Variants in BPIFB6 observed in about 807,000 individuals in gnomAD.
BPIFB6 encodes BPI fold-containing family B member 6.
A neutral mutation model predicts 54.7 loss-of-function variants in BPIFB6; 47 were observed. The observed-to-expected ratio is 0.86, with a 90% confidence interval of 0.68 to 1.10. BPIFB6 has a LOEUF of 1.10. BPIFB6 is among the 50% of genes least tolerant of loss of function. BPIFB6 has a pLI of 0.00. For synonymous variants in BPIFB6, 255 were observed against 225.9 expected, an observed-to-expected ratio of 1.13 and a Z score of -1.16; for missense variants, 603 against 564.1, an observed-to-expected ratio of 1.07 and a Z score of -0.70.
At chr20:33,032,730 C>T (rs1003313642) in intron 1 of BPIFB6, among the ~76,000 whole-genome samples, 3 of 152,234 alleles carry the variant, frequency 2.0e-5, no homozygotes, top group Admixed American at 1.3e-4. Flanking sequence ...CAAGTACCAA[C>T]TGATCTGTCA....
chr20:33,043,863 T>C (rs1979695145), intron 14 of BPIFB6, 152 bp from the exon 15 acceptor site: 2 of 914,852 alleles, frequency 2.2e-6, no homozygotes, highest in African/African-American at 3.3e-5. Flanking sequence ...AGAGGTGAAG[T>C]GACCTCTCCA....
rs746123191 is a variant in BPIFB6 at position 33,031,733 on chromosome 20, A to G, written c.86A>G (p.Asp29Gly). The change falls in exon 1 of 15, where the codon GAC becomes GGC. Residue 29 changes from aspartate to glycine, a missense_variant. Physicochemically the swap from Asp to Gly is moderately conservative, Grantham distance 94. Transcript: ENST00000349552. ...DPGALLRLGM[D>G]IMNQVQSAMD... ...GGGGCACTGCTGCGGTTGGGCATGG[A>G]CATCATGAACCGTGGTGAGCTTGTG... The G allele has an allele frequency of 1.4e-5, 22 of 1,614,054 alleles. No homozygotes were observed. The highest frequency in any genetic ancestry group is 1.7e-5 in the Non-Finnish European group (20 of 1,179,974).
At chr20:33,036,173 G>C (rs887335135) in intron 6 of BPIFB6, among the ~76,000 whole-genome samples, 2 of 152,144 alleles carry the variant, frequency 1.3e-5, no homozygotes, top group African/African-American at 4.8e-5. Flanking sequence ...AAATAGAGCT[G>C]ATAATCCTGA....
At chr20:33,034,509 G>A (rs531727454) in intron 3 of BPIFB6, among the ~76,000 whole-genome samples, 12 of 152,336 alleles carry the variant, frequency 7.9e-5, no homozygotes, top group African/African-American at 2.6e-4. Flanking sequence ...GTGGCGGATG[G>A]TCAGAAAAGG....
chr20:33,036,033 C>G (rs1979328905), intron 6 of BPIFB6, among the ~76,000 whole-genome samples: 2 of 152,136 alleles, frequency 1.3e-5, no homozygotes, highest in Admixed American at 1.3e-4. Context: ...TTTGGGGTCC[C>G]ATTTTGGGTC....
chr20:33,031,814 C>T (rs954778960), intron 1 of BPIFB6, 70 bp downstream of exon 1: 2 of 1,290,540 alleles, frequency 1.5e-6, no homozygotes, highest in African/African-American at 1.5e-5. Context: ...GTAGTCACTG[C>T]TCTTGGTTGC....
Position 33,035,815 on chromosome 20 carries a change from C to T in BPIFB6, c.577+143C>T, listed in dbSNP as rs148489688. 1.9e-3 allele frequency: 1,661 copies of T among 869,594 alleles called. 6 individuals are homozygous for T. The highest frequency in any genetic ancestry group is 2.5e-3 in the Non-Finnish European group (1,319 of 530,082). 53.9% of individuals were successfully genotyped at this position (869,594 alleles called of 1,614,324 possible). A position where few individuals can be genotyped will look rare whatever the true frequency, so the allele number is the denominator to read the frequency against. On this transcript the variant is annotated intron_variant, in intron 6 of 14. Transcript: ENST00000349552. Reference sequence around the variant, plus strand: ...GCTTGAGGTCATGATGTTCATCCCCCCACTGTCCCGATGGGAGGCCTGAAG... The same window carrying T: ...GCTTGAGGTCATGATGTTCATCCCCTCACTGTCCCGATGGGAGGCCTGAAG...
Position 33,038,914 on chromosome 20 carries a change from T to C in BPIFB6, c.852T>C (p.Gly284=). ...CCTTGACTTTTATTCTGTAGATTGG[T>C]GAGCTGCCCCCACAAACCACCAAGA... ...FHVNIQDTMI[G]ELPPQTTKTL... Residue 284 remains glycine, a synonymous_variant, in exon 9 of 15, where the codon GGT becomes GGC. Transcript: ENST00000349552. 1.2e-6 allele frequency: 2 copies of C among 1,613,996 alleles called. No individual in the cohort carries two copies.
intron 7 of BPIFB6, among the ~76,000 whole-genome samples, chr20:33,036,932 C>T (rs1487603170): frequency 6.6e-6 from 1 of 152,180 alleles, no homozygotes; most frequent in African/African-American, 2.4e-5. Context: ...CCCTCACCAG[C>T]TCCATTACCT....
chr20:33,037,553 G>T lies in BPIFB6; in HGVS notation c.670-9G>T, dbSNP rs766237589. 2 of 1,600,122 alleles carry T rather than the reference G, an allele frequency of 1.2e-6. No individual in the cohort carries two copies. The highest frequency in any genetic ancestry group is 1.7e-5 in the Admixed American group (1 of 59,112). Reference sequence around the variant, plus strand: ...CAAGGCTGAGTGTCTCCCTCCTGCTGCCCCATAGCCTGTGGTGCAGCAGCA... The same window carrying T: ...CAAGGCTGAGTGTCTCCCTCCTGCTTCCCCATAGCCTGTGGTGCAGCAGCA... On this transcript the variant is annotated splice_polypyrimidine_tract_variant and intron_variant, in intron 7 of 14. Coordinates refer to ENST00000349552, the MANE Select transcript of BPIFB6 (RefSeq NM_174897.2).
rs1213592689 is a variant in BPIFB6, at chr20:33,039,351, C to G, written c.905C>G (p.Ala302Gly). The change falls in exon 10 of 15, where the codon GCT (alanine) becomes GGT (glycine). Residue 302 changes from alanine (A) to glycine (G), a missense_variant. By Grantham distance (60) the Ala-to-Gly change is moderately conservative (BLOSUM62 0). Transcript: ENST00000349552. ...KTLARFIPEV[A>G]VAYPKSKPLT... ...GAAGTGTTCTGGTTTCTGTAGGTGG[C>G]TGTAGCTTATCCCAAGTCAAAGCCC... 6.2e-7 allele frequency: 1 copy of G among 1,609,760 alleles called. No homozygotes were observed. Among genetic ancestry groups the G allele is most frequent in the Non-Finnish European group, 8.5e-7 (1 of 1,178,542 alleles).
At chr20:33,038,266 C>T (rs772931024) in intron 8 of BPIFB6, among the ~76,000 whole-genome samples, 1 of 152,128 alleles carries the variant, frequency 6.6e-6, no homozygotes, top group Non-Finnish European at 1.5e-5. Context: ...TCCATCCAAC[C>T]ATCCACCCAC....
chr20:33,042,141 T>C (rs1196495762), intron 12 of BPIFB6, 126 bp downstream of exon 12: 11 of 904,260 alleles, frequency 1.2e-5, no homozygotes, highest in Non-Finnish European at 1.9e-5. Context: ...CTGTGAGGCG[T>C]GGCGCACCTG....
Position 33,034,871 on chromosome 20 carries a change from T to C in BPIFB6, c.411T>C (p.Cys137=), listed in dbSNP as rs1431500855. The C allele has an allele frequency of 6.2e-7, 1 of 1,613,482 alleles. No homozygotes were observed. The highest frequency in any genetic ancestry group is 1.3e-5 in the African/African-American group (1 of 74,976). The part of the protein sequence containing the change: ...TGLPVFKSEG[C]EVILVNVKTN... ...TCCCCGTGTTCAAGAGTGAGGGCTG[T>C]GAGGTCATCCTGGTCAATGTGAAGA... is the stretch of plus-strand genomic sequence containing the variant. The change falls in exon 4 of 15, where the codon TGT becomes TGC. Residue 137 remains cysteine (C), a synonymous_variant. Coordinates refer to ENST00000349552, the MANE Select transcript of BPIFB6 (RefSeq NM_174897.2).
intron 12 of BPIFB6, among the ~76,000 whole-genome samples, 179 bp from the exon 13 acceptor site, chr20:33,042,636 C>T (rs1226289889): frequency 6.6e-6 from 1 of 152,192 alleles, no homozygotes. Flanking sequence ...GTGAAGGACA[C>T]GGGTCTACAG....
intron 8 of BPIFB6, among the ~76,000 whole-genome samples, 181 bp from the exon 9 acceptor site, chr20:33,038,728 T>C (rs573101830): frequency 2.0e-5 from 3 of 152,364 alleles, no homozygotes; most frequent in South Asian, 2.1e-4. Context: ...GTTATGAGCA[T>C]TGAAATGTGT....
At chr20:33,042,702 A>T in intron 12 of BPIFB6, 113 bp from the exon 13 acceptor site, 1 of 961,814 alleles carries the variant, frequency 1.0e-6, no homozygotes, top group Non-Finnish European at 1.6e-6. Context: ...AAACCATTTG[A>T]TGTCTAATAT....
At chr20:33,040,360 A>G in intron 11 of BPIFB6, 42 bp downstream of exon 11, 5 of 1,591,052 alleles carry the variant, frequency 3.1e-6, no homozygotes, top group Non-Finnish European at 3.4e-6. Context: ...TGTTACCTTC[A>G]CATTTGGCCT....
In BPIFB6 at chr20:33,040,668, C is replaced by G. The variant is rs1180773932; in HGVS notation, c.1142+350C>G. Reference sequence around the variant, plus strand: ...GAGTCAGGGTCCAGCTCAAATGCCACCTCCTCCACGAAGCCTTTCCTTATA... The same window carrying G: ...GAGTCAGGGTCCAGCTCAAATGCCAGCTCCTCCACGAAGCCTTTCCTTATA... On this transcript the variant is annotated intron_variant, in intron 11 of 14. Coordinates refer to ENST00000349552, the MANE Select transcript of BPIFB6 (RefSeq NM_174897.2). Among the ~76,000 whole-genome samples, 3 of 152,344 alleles carry G rather than the reference C, an allele frequency of 2.0e-5. No individual in the cohort carries two copies. The East Asian group carries it at 5.8e-4, about 29-fold the overall frequency.
Sources: allele counts gnomAD v4.1 joint callset (sites outside exome capture counted in the v4.1 genomes callset), GRCh38; gene constraint gnomAD v4.1.1; transcripts MANE v1.5; gene names NCBI Gene and HGNC (gene_info 2026-07-23, HGNC 2026-07-21).